GPR158: variants seen among roughly 807,000 people sequenced by gnomAD.
GPR158 encodes the protein metabotropic glycine receptor.
GPR158 carries 30 observed loss-of-function variants against 78.2 expected under a neutral mutation model. The ratio of observed to expected loss-of-function variants is 0.38; its 90% CI spans 0.29 to 0.52. GPR158 has a LOEUF of 0.52. GPR158 is among the 20% of genes least tolerant of loss of function. The probability of loss-of-function intolerance (pLI) is 0.83; values close to 1 mark genes in which losing one functional copy is unlikely to be tolerated. For synonymous variants in GPR158, 581 were observed against 591.1 expected (o/e 0.98, Z 0.25); for missense variants, 1,463 against 1,523.5 (o/e 0.96, Z 0.66).
intron 9 of GPR158, among the ~76,000 whole-genome samples, chr10:25,595,812 G>GCAACC (rs1837397123): frequency 6.6e-6 from 1 of 152,188 alleles, no homozygotes; most frequent in South Asian, 2.1e-4. Context: ...ATTAAATAGT[G>GCAACC]ATGATGGTTG....
At chr10:25,534,808 C>T (rs1277060041) in intron 5 of GPR158, among the ~76,000 whole-genome samples, 2 of 151,966 alleles carry the variant, frequency 1.3e-5, no homozygotes, top group African/African-American at 4.8e-5. Context: ...GACAGGGATC[C>T]GAATTACATC....
chr10:25,309,975 A>G (rs1360281376), intron 2 of GPR158, among the ~76,000 whole-genome samples: 1 of 152,180 alleles, frequency 6.6e-6, no homozygotes, highest in Non-Finnish European at 1.5e-5. Context: ...TGTCATATTC[A>G]TGAAATCATT....
chr10:25,341,115 T>C (rs879377555), intron 2 of GPR158, among the ~76,000 whole-genome samples: 2 of 152,020 alleles, frequency 1.3e-5, no homozygotes, highest in South Asian at 2.1e-4. Flanking sequence ...CTTTCATAAA[T>C]GAATTTGAAA....
chr10:25,299,216 T>G (rs565935804), intron 2 of GPR158, among the ~76,000 whole-genome samples: 1 of 152,172 alleles, frequency 6.6e-6, no homozygotes, highest in South Asian at 2.1e-4. Context: ...GTTCACCATC[T>G]CACACTTAAG....
chr10:25,243,568 A>G (rs1042020656), intron 2 of GPR158, among the ~76,000 whole-genome samples: 1 of 152,202 alleles, frequency 6.6e-6, no homozygotes, highest in African/African-American at 2.4e-5. Flanking sequence ...ACTAGATTAG[A>G]TATCACCTTC....
rs745812093 is a variant in GPR158 at position 25,550,952 on chromosome 10, T to A, written c.1405-24T>A. 103 of 1,195,156 alleles carry A rather than the reference T, an allele frequency of 8.6e-5. 1 individual carries two copies. In the Admixed American group the frequency reaches 1.7e-3, roughly 20 times the overall value. The allele number at this position is 1,195,156 out of a possible 1,614,324, so 74.0% of individuals were successfully genotyped here. A position where few individuals can be genotyped will look rare whatever the true frequency, so the allele number is the denominator to read the frequency against. ...GTGGGTCATCAGTTGATCCTGAAGG[T>A]CTCTTTCTGTTTTCATCCCACAGGT... On this transcript the variant is annotated intron_variant, in intron 5 of 10. Transcript: ENST00000376351.
At chr10:25,525,710 G>C (rs1367367201) in intron 5 of GPR158, among the ~76,000 whole-genome samples, 2 of 152,110 alleles carry the variant, frequency 1.3e-5, no homozygotes, top group African/African-American at 4.8e-5. Flanking sequence ...TTTTTGAGGT[G>C]GGGAAATGTT....
intron 5 of GPR158, among the ~76,000 whole-genome samples, chr10:25,521,581 C>A (rs1836274821): frequency 6.6e-6 from 1 of 152,108 alleles, no homozygotes; most frequent in South Asian, 2.1e-4. Flanking sequence ...CCAGTGTGAT[C>A]TTTTGGGGGC....
Position 25,594,566 on chromosome 10 carries a change from T to C in GPR158, c.1998+169T>C, listed in dbSNP as rs575830875. 2.0e-3 allele frequency among the ~76,000 whole-genome samples: 310 copies of C among 152,262 alleles called. 1 individual carries two copies. Among genetic ancestry groups the C allele is most frequent in the Middle Eastern group, 6.8e-3 (2 of 294 alleles). On this transcript the variant is annotated intron_variant, in intron 9 of 10. Coordinates refer to ENST00000376351, the MANE Select transcript of GPR158 (RefSeq NM_020752.3). Reference sequence around the variant, plus strand: ...TTTCTCTTTGAATTTTGGAAACTTCTTAAATAATTTTTAAATGCCTTTGTT... The same window carrying C: ...TTTCTCTTTGAATTTTGGAAACTTCCTAAATAATTTTTAAATGCCTTTGTT...
At chr10:25,245,718 G>T (rs1853681103) in intron 2 of GPR158, among the ~76,000 whole-genome samples, 1 of 152,158 alleles carries the variant, frequency 6.6e-6, no homozygotes, top group African/African-American at 2.4e-5. Context: ...TCAACATAGA[G>T]TAACTTCTCT....
chr10:25,405,163 T>C (rs1300014833), intron 3 of GPR158, among the ~76,000 whole-genome samples: 1 of 152,086 alleles, frequency 6.6e-6, no homozygotes, highest in Non-Finnish European at 1.5e-5. Flanking sequence ...AGATGAACGA[T>C]AACATTGGAT....
intron 1 of GPR158, among the ~76,000 whole-genome samples, chr10:25,213,993 T>C (rs1467343355): frequency 1.3e-5 from 2 of 152,196 alleles, no homozygotes; most frequent in Non-Finnish European, 2.9e-5. Context: ...TCTCCCTTAT[T>C]ATTACCATGT....
intron 2 of GPR158, among the ~76,000 whole-genome samples, chr10:25,383,230 A>G (rs749752924): frequency 2.6e-5 from 4 of 152,224 alleles, no homozygotes; most frequent in South Asian, 2.1e-4. Context: ...AAAAATCTAG[A>G]AGCCTCCATT....
At chr10:25,457,577 G>A (rs1240789825) in intron 4 of GPR158, among the ~76,000 whole-genome samples, 1 of 152,138 alleles carries the variant, frequency 6.6e-6, no homozygotes, top group Non-Finnish European at 1.5e-5. Flanking sequence ...TTTTTACGGT[G>A]AAGCCATCGG....
chr10:25,270,342 C>G (rs971472598), intron 2 of GPR158, among the ~76,000 whole-genome samples: 1 of 151,760 alleles, frequency 6.6e-6, no homozygotes, highest in Non-Finnish European at 1.5e-5. Context: ...TTTTTTCCTC[C>G]GATGTGCAGG....
chr10:25,226,695 G>A (rs1853376917), intron 2 of GPR158, among the ~76,000 whole-genome samples: 1 of 152,068 alleles, frequency 6.6e-6, no homozygotes, highest in South Asian at 2.1e-4. Context: ...TTAATATAAA[G>A]TCACACTCTT....
intron 4 of GPR158, among the ~76,000 whole-genome samples, chr10:25,418,972 A>G (rs1329113771): frequency 3.3e-5 from 5 of 151,876 alleles, no homozygotes; most frequent in Admixed American, 6.6e-5. Context: ...ATGTTTTAAT[A>G]TAGTATGTGA....
At chr10:25,318,274 A>C (rs568540458) in intron 2 of GPR158, among the ~76,000 whole-genome samples, 1 of 151,510 alleles carries the variant, frequency 6.6e-6, no homozygotes, top group South Asian at 2.1e-4. Flanking sequence ...TTTACTGTGC[A>C]ATTTCCAACA....
intron 1 of GPR158, among the ~76,000 whole-genome samples, chr10:25,212,371 G>T (rs901877988): frequency 6.6e-6 from 1 of 152,040 alleles, no homozygotes; most frequent in African/African-American, 2.4e-5. Flanking sequence ...GAACTTACGA[G>T]AACATACTCA....
Sources: gnomAD v4.1 joint callset for allele counts (sites outside exome capture counted in the v4.1 genomes callset) on GRCh38, gnomAD v4.1.1 for gene constraint, MANE v1.5 for transcripts, NCBI Gene and HGNC (gene_info 2026-07-23, HGNC 2026-07-21) for gene names.